Variants in DOCK2 observed in about 807,000 individuals in gnomAD.
DOCK2 encodes dedicator of cytokinesis 2.
In DOCK2, 87 loss-of-function variants were observed where a neutral mutation model predicts 248.9. The ratio of observed to expected loss-of-function variants is 0.35; its 90% CI spans 0.29 to 0.42. DOCK2 has a LOEUF of 0.42. Among genes scored for constraint, DOCK2 ranks in the 10% least tolerant of loss-of-function variants. DOCK2 has a pLI of 1.00. For missense variants in DOCK2, 1,747 were observed against 2,300.2 expected (o/e 0.76, Z 4.92); for synonymous variants, 805 against 821.6 (o/e 0.98, Z 0.35).
intron 27 of DOCK2, among the ~76,000 whole-genome samples, chr5:169,903,501 T>C (rs1417455981): frequency 7.1e-6 from 1 of 140,332 alleles, no homozygotes; most frequent in Non-Finnish European, 1.5e-5. Flanking sequence ...TATTGTGAGC[T>C]TGGAAGAGAG....
At chr5:169,642,651 G>A (rs996801956) in intron 1 of DOCK2, among the ~76,000 whole-genome samples, 6 of 152,154 alleles carry the variant, frequency 3.9e-5, no homozygotes, top group African/African-American at 1.4e-4. Flanking sequence ...CTTAGGTGCC[G>A]GGGCTTCCTA....
intron 26 of DOCK2, among the ~76,000 whole-genome samples, chr5:169,836,497 CAA>C (rs1410747129): frequency 6.6e-6 from 1 of 152,154 alleles, no homozygotes; most frequent in Non-Finnish European, 1.5e-5. Flanking sequence ...TTAATCCAAA[CAA>C]AGTTATATTC....
chr5:169,829,466 A>G (rs991610865), intron 26 of DOCK2, among the ~76,000 whole-genome samples: 4 of 152,182 alleles, frequency 2.6e-5, no homozygotes, highest in Admixed American at 6.5e-5. Context: ...GAAATATTGC[A>G]AATAGCTCAT....
intron 39 of DOCK2, among the ~76,000 whole-genome samples, chr5:170,046,715 G>A (rs925976877): frequency 5.9e-5 from 9 of 151,930 alleles, no homozygotes; most frequent in South Asian, 2.1e-4. Flanking sequence ...TACCTGCCCC[G>A]CGTGTACCTC....
At chr5:169,684,396 G>T in intron 8 of DOCK2, 46 bp downstream of exon 8, 1 of 1,591,132 alleles carries the variant, frequency 6.3e-7, no homozygotes, top group Non-Finnish European at 8.6e-7. Context: ...ATGGGAAGCA[G>T]TGCACAGAGC....
In DOCK2 at chr5:169,971,399, A is replaced by G. The variant is rs536563570; in HGVS notation, c.2800-11669A>G. Reference sequence around the variant, plus strand: ...ACGTGAGCCCTAGGAATGGACTTCCACTTCCTTCTGCCCCTTTCCTCCTAG... The same window carrying G: ...ACGTGAGCCCTAGGAATGGACTTCCGCTTCCTTCTGCCCCTTTCCTCCTAG... On this transcript the variant is annotated intron_variant, in intron 27 of 51. Coordinates refer to ENST00000520908, the MANE Select transcript of DOCK2 (RefSeq NM_004946.3). 1.1e-4 allele frequency among the ~76,000 whole-genome samples: 16 copies of G among 147,436 alleles called. No individual in the cohort carries two copies. The South Asian group carries it at 2.1e-3, about 20-fold the overall frequency.
At chr5:170,024,059 G>A (rs1755820156) in intron 33 of DOCK2, among the ~76,000 whole-genome samples, 5 of 152,252 alleles carry the variant, frequency 3.3e-5, no homozygotes, top group African/African-American at 1.2e-4. Flanking sequence ...CCAGGCAGAA[G>A]GTTTGGGCTC....
chr5:169,667,365 A>G (rs901197088), intron 2 of DOCK2, among the ~76,000 whole-genome samples: 9 of 152,234 alleles, frequency 5.9e-5, no homozygotes, highest in Admixed American at 5.2e-4. Flanking sequence ...CAGCCCATCA[A>G]TTGACTTGAA....
intron 22 of DOCK2, among the ~76,000 whole-genome samples, chr5:169,739,331 T>C (rs1342719526): frequency 1.3e-5 from 2 of 152,280 alleles, no homozygotes; most frequent in African/African-American, 4.8e-5. Flanking sequence ...TGGCCTCTAG[T>C]TGTATGTGAC....
intron 1 of DOCK2, among the ~76,000 whole-genome samples, chr5:169,653,377 G>A (rs971151331): frequency 2.6e-5 from 4 of 152,182 alleles, no homozygotes; most frequent in Admixed American, 1.3e-4. Context: ...CTTTAAAAGT[G>A]GGGAAACGGA....
Position 169,748,179 on chromosome 5 carries a change from T to TTTA in DOCK2, c.2376+675_2376+676insTTA, listed in dbSNP as rs397705653. On this transcript the variant is annotated intron_variant, in intron 23 of 51. Transcript: ENST00000520908. ...GCAGATTGCTGCTGCTTTTTTTTTTTAAATCAATATTATTCTTTTAGATGC... is the reference window on the plus strand; with the variant it reads ...GCAGATTGCTGCTGCTTTTTTTTTTTTTAAAATCAATATTATTCTTTTAGATGC... Among the ~76,000 whole-genome samples, 100 of 151,962 alleles carry TTTA rather than the reference T, an allele frequency of 6.6e-4. 2 individuals are homozygous for TTTA. In the South Asian group the frequency reaches 8.1e-3, roughly 12 times the overall value.
chr5:170,080,523 C>A, intron 50 of DOCK2: 1 of 529,708 alleles, frequency 1.9e-6, no homozygotes, highest in Non-Finnish European at 3.3e-6. Context: ...GTCCCTTGGG[C>A]CCTCAGGATT....
intron 46 of DOCK2, among the ~76,000 whole-genome samples, chr5:170,074,012 T>G (rs1757762187): frequency 6.6e-6 from 1 of 152,180 alleles, no homozygotes; most frequent in Non-Finnish European, 1.5e-5. Flanking sequence ...TTTACTAATA[T>G]CTTGAGATGG....
intron 26 of DOCK2, among the ~76,000 whole-genome samples, chr5:169,839,765 A>G (rs749657831): frequency 6.6e-6 from 1 of 152,056 alleles, no homozygotes; most frequent in Non-Finnish European, 1.5e-5. Context: ...CCATTATGTA[A>G]CCCTAGTTTC....
At chr5:169,714,807 A>G (rs1330829936) in intron 19 of DOCK2, among the ~76,000 whole-genome samples, 1 of 152,186 alleles carries the variant, frequency 6.6e-6, no homozygotes, top group African/African-American at 2.4e-5. Flanking sequence ...ATAATATTTA[A>G]AACTTACTCA....
intron 9 of DOCK2, among the ~76,000 whole-genome samples, chr5:169,693,476 G>A (rs1561606051): frequency 6.6e-6 from 1 of 152,064 alleles, no homozygotes; most frequent in Non-Finnish European, 1.5e-5. Flanking sequence ...TAATGTTGTT[G>A]GGGGGAAATA....
chr5:170,037,133 T>C (rs939671295), intron 36 of DOCK2, among the ~76,000 whole-genome samples: 2 of 151,940 alleles, frequency 1.3e-5, no homozygotes, highest in Non-Finnish European at 2.9e-5. Flanking sequence ...AAAAAATATA[T>C]ACTTATTACA....
chr5:169,752,700 G>T (rs933671663), intron 23 of DOCK2, among the ~76,000 whole-genome samples: 5 of 152,100 alleles, frequency 3.3e-5, no homozygotes, highest in African/African-American at 1.2e-4. Flanking sequence ...GGGGATCAAG[G>T]CTGCAGTGAG....
At chr5:169,823,421 C>A (rs55863128) in intron 26 of DOCK2, among the ~76,000 whole-genome samples, 2 of 152,120 alleles carry the variant, frequency 1.3e-5, no homozygotes, top group African/African-American at 2.4e-5. Context: ...GCTTATCCAC[C>A]GTGATCAAGT....
Sources: allele counts gnomAD v4.1 joint callset (sites outside exome capture counted in the v4.1 genomes callset), GRCh38; gene constraint gnomAD v4.1.1; transcripts MANE v1.5; gene names NCBI Gene and HGNC (gene_info 2026-07-23, HGNC 2026-07-21).